The following PRKCA variants were observed in gnomAD, a reference collection of about 807,000 sequenced individuals.
PRKCA encodes protein kinase C alpha, also known as protein kinase C alpha type.
Under a neutral mutation model 87.0 loss-of-function variants are expected in PRKCA, and 27 were observed. The observed-to-expected ratio is 0.31, with a 90% CI of 0.23 to 0.43. The LOEUF (loss-of-function observed/expected upper bound fraction) is 0.43. Among genes scored for constraint, PRKCA ranks in the 20% least tolerant of loss-of-function variants. PRKCA has a pLI of 1.00. For missense variants in PRKCA, 518 were observed against 852.3 expected, an observed-to-expected ratio of 0.61 and a Z score of 4.88; for synonymous variants, 329 against 311.1, an observed-to-expected ratio of 1.06 and a Z score of -0.61.
At chr17:66,652,883 C>T (rs1305066210) in intron 5 of PRKCA, among the ~76,000 whole-genome samples, 5 of 152,256 alleles carry the variant, frequency 3.3e-5, no homozygotes, top group East Asian at 1.9e-4. Flanking sequence ...TGGCCACCAA[C>T]GCCTTTCCTT....
chr17:66,805,234 G>A lies in PRKCA; in HGVS notation c.*1197G>A. 1.3e-6 allele frequency: 1 copy of A among 791,138 alleles called. No individual in the cohort carries two copies. The highest frequency in any genetic ancestry group is 1.5e-6 in the Non-Finnish European group (1 of 652,832). 49.0% of individuals were successfully genotyped at this position (791,138 alleles called of 1,614,324 possible). On this transcript the variant is annotated 3_prime_UTR_variant, in exon 17 of 17. Transcript: ENST00000413366. ...ATGCCTAACAGCTCAAAGATGTTTTGTTAATAGAAGGATTTTAATACGTTT... is the reference window on the plus strand; with the variant it reads ...ATGCCTAACAGCTCAAAGATGTTTTATTAATAGAAGGATTTTAATACGTTT...
chr17:66,724,094 T>C (rs1430699410), intron 8 of PRKCA, among the ~76,000 whole-genome samples: 1 of 152,140 alleles, frequency 6.6e-6, no homozygotes, highest in African/African-American at 2.4e-5. Flanking sequence ...AATGCATGTT[T>C]GGACTTAGTA....
chr17:66,610,685 C>G (rs909541831), intron 3 of PRKCA, among the ~76,000 whole-genome samples: 1 of 152,186 alleles, frequency 6.6e-6, no homozygotes, highest in Admixed American at 6.5e-5. Context: ...CTGTTTCAGT[C>G]ACGATCGCAA....
At chr17:66,577,884 G>T (rs932707249) in intron 3 of PRKCA, among the ~76,000 whole-genome samples, 2 of 151,950 alleles carry the variant, frequency 1.3e-5, no homozygotes, top group African/African-American at 4.8e-5. Flanking sequence ...CCCAGATGCT[G>T]CATAAGTCAT....
chr17:66,735,530 A>G lies in PRKCA; in HGVS notation c.1098A>G (p.Ala366=). Residue 366 remains alanine (A), a synonymous_variant, in exon 10 of 17, where the codon GCA becomes GCG. Transcript: ENST00000413366. ...ADRKGTEELY[A]IKILKKDVVI... ...GGAAGGGCACAGAAGAACTGTATGC[A>G]ATCAAAATCCTGAAGAAGGATGTGG... The G allele has an allele frequency of 6.2e-7, 1 of 1,614,164 alleles. No individual in the cohort carries two copies. Among genetic ancestry groups the G allele is most frequent in the South Asian group, 1.1e-5 (1 of 91,088 alleles).
At chr17:66,759,038 A>G (rs1974619566) in intron 13 of PRKCA, among the ~76,000 whole-genome samples, 1 of 152,146 alleles carries the variant, frequency 6.6e-6, no homozygotes. Context: ...TTCACTATGC[A>G]TGAAGTGTTA....
At chr17:66,658,665 T>C (rs1971803641) in intron 5 of PRKCA, among the ~76,000 whole-genome samples, 1 of 152,196 alleles carries the variant, frequency 6.6e-6, no homozygotes, top group African/African-American at 2.4e-5. Flanking sequence ...TGGATTTGAA[T>C]CCCAACTATA....
At chr17:66,370,549 CTTTT>C (rs555797425) in intron 2 of PRKCA, among the ~76,000 whole-genome samples, 3 of 113,674 alleles carry the variant, frequency 2.6e-5, no homozygotes, top group Non-Finnish European at 3.6e-5. Flanking sequence ...CTTTTCTTTT[CTTTT>C]TTTTTTTTTT....
chr17:66,620,670 G>A (rs553839450), intron 3 of PRKCA, among the ~76,000 whole-genome samples: 185 of 152,294 alleles, frequency 1.2e-3, no homozygotes, highest in African/African-American at 3.8e-3. Context: ...AGTGAAAACC[G>A]AGTGATTCTA....
intron 13 of PRKCA, among the ~76,000 whole-genome samples, chr17:66,772,600 G>A (rs1028824867): frequency 6.6e-6 from 1 of 152,102 alleles, no homozygotes; most frequent in African/African-American, 2.4e-5. Context: ...TTGAATCCTG[G>A]CATGTGATCC....
At chr17:66,453,097 T>G (rs1914404984) in intron 2 of PRKCA, among the ~76,000 whole-genome samples, 1 of 152,120 alleles carries the variant, frequency 6.6e-6, no homozygotes, top group Non-Finnish European at 1.5e-5. Flanking sequence ...ACTGGAGCCC[T>G]CATTCCCCTC....
chr17:66,740,197 G>C (rs915549508), intron 11 of PRKCA, among the ~76,000 whole-genome samples: 113 of 152,110 alleles, frequency 7.4e-4, no homozygotes, highest in African/African-American at 2.6e-3. Flanking sequence ...TTATTGGAAC[G>C]CACCTGCATG....
At chr17:66,466,639 T>G (rs907378208) in intron 2 of PRKCA, among the ~76,000 whole-genome samples, 2 of 152,236 alleles carry the variant, frequency 1.3e-5, no homozygotes, top group African/African-American at 4.8e-5. Context: ...TAAGAATTGA[T>G]AAGTATTCCA....
Position 66,786,972 on chromosome 17 carries a change from G to A in PRKCA, c.1711G>A (p.Gly571Arg). The change falls in exon 15 of 17, where the codon GGA becomes AGA. Residue 571 changes from glycine to arginine, a missense_variant and splice_region_variant. By Grantham distance (125) the Gly-to-Arg change is moderately radical. Around this residue, in one of 5 missense-constraint regions of PRKCA, gnomAD observed 159 missense variants for 232.4 expected, o/e 0.68. Coordinates refer to ENST00000413366, the MANE Select transcript of PRKCA (RefSeq NM_002737.3). The part of the protein sequence containing the change: ...LSKEAVSVCK[G>R]LMTKHPAKRL... ...CAAGGAGGCTGTTTCTGTCTGCAAA[G>A]GAGTAAGTCGATTTGGATACCTTTT... 1 of 1,591,414 alleles carries A rather than the reference G, an allele frequency of 6.3e-7. No individual in the cohort carries two copies. The highest frequency in any genetic ancestry group is 1.7e-5 in the Admixed American group (1 of 60,000).
At chr17:66,562,102 TA>T (rs1390359294) in intron 3 of PRKCA, among the ~76,000 whole-genome samples, 1 of 112,934 alleles carries the variant, frequency 8.9e-6, no homozygotes, top group South Asian at 2.9e-4. Context: ...TATATATAAT[TA>T]AATTATATAT....
intron 2 of PRKCA, among the ~76,000 whole-genome samples, chr17:66,442,401 C>T (rs372850966): frequency 6.6e-6 from 1 of 152,006 alleles, no homozygotes; most frequent in East Asian, 1.9e-4. Context: ...ACCTGGCCTC[C>T]CTGTACCCAT....
chr17:66,337,112 G>A (rs75612987), intron 2 of PRKCA, among the ~76,000 whole-genome samples: 1,623 of 152,082 alleles, frequency 0.011, 15 homozygotes, highest in Non-Finnish European at 0.017. Context: ...CTTTATTGAT[G>A]TAGGAATCTG....
At chr17:66,452,419 G>T (rs567213961) in intron 2 of PRKCA, among the ~76,000 whole-genome samples, 70 of 152,300 alleles carry the variant, frequency 4.6e-4, no homozygotes, top group Middle Eastern at 3.4e-3. Flanking sequence ...ACAGAACTAG[G>T]GAAGAAGCAG....
chr17:66,383,860 G>A (rs1431723013), intron 2 of PRKCA, among the ~76,000 whole-genome samples: 3 of 151,970 alleles, frequency 2.0e-5, no homozygotes, highest in African/African-American at 7.2e-5. Flanking sequence ...GGCTGAGGCA[G>A]AATAGCTTGA....
Sources: gnomAD v4.1 joint callset for allele counts (sites outside exome capture counted in the v4.1 genomes callset) on GRCh38, gnomAD v4.1.1 for gene constraint, gnomAD v4.1.1 regional missense constraint, MANE v1.5 for transcripts, NCBI Gene and HGNC (gene_info 2026-07-23, HGNC 2026-07-21) for gene names.